Variants in FYN observed in about 807,000 individuals in gnomAD.
The protein encoded by FYN is FYN proto-oncogene, Src family tyrosine kinase.
Under a neutral mutation model 70.2 loss-of-function variants are expected in FYN, and 10 were observed. The ratio of observed to expected loss-of-function variants is 0.14; its 90% CI spans 0.09 to 0.24. The LOEUF (loss-of-function observed/expected upper bound fraction) is 0.24. FYN is among the 10% of genes least tolerant of loss of function. The probability of loss-of-function intolerance (pLI) is 1.00; values close to 1 mark genes in which losing one functional copy is unlikely to be tolerated. For missense variants in FYN, 319 were observed against 673.1 expected, an observed-to-expected ratio of 0.47 and a Z score of 5.82; for synonymous variants, 236 against 248.6, an observed-to-expected ratio of 0.95 and a Z score of 0.48.
chr6:111,803,567 T>C (rs138415036), intron 2 of FYN, among the ~76,000 whole-genome samples: 444 of 152,278 alleles, frequency 2.9e-3, no homozygotes, highest in African/African-American at 0.01. Context: ...CAAGTATAAA[T>C]ACTGTTAGTA....
intron 3 of FYN, among the ~76,000 whole-genome samples, chr6:111,745,177 G>A (rs1802151386): frequency 6.6e-6 from 1 of 152,154 alleles, no homozygotes; most frequent in Admixed American, 6.5e-5. Flanking sequence ...CATCATTCAT[G>A]GGCAAATACT....
rs548488694 is a variant in FYN at position 111,664,501 on chromosome 6, T to C, written c.1406-2554A>G. Among the ~76,000 whole-genome samples, 10 of 152,358 alleles carry C rather than the reference T, an allele frequency of 6.6e-5. No individual in the cohort carries two copies. The South Asian group carries it at 2.1e-3, about 32-fold the overall frequency. On this transcript the variant is annotated intron_variant, in intron 13 of 13. Coordinates refer to ENST00000354650, the MANE Select transcript of FYN (RefSeq NM_002037.5). ...AAAAAAAAAGTTTTCATCCAATGTC[T>C]GCCAATGGAAAGTTTAATTGGCCAC...
intron 6 of FYN, among the ~76,000 whole-genome samples, chr6:111,705,055 C>T (rs1316707047): frequency 6.6e-6 from 1 of 152,084 alleles, no homozygotes; most frequent in Non-Finnish European, 1.5e-5. Context: ...GAGCGAGACT[C>T]TGTCTCATAA....
intron 12 of FYN, among the ~76,000 whole-genome samples, chr6:111,680,040 AC>A (rs751923302): frequency 1.3e-5 from 2 of 152,216 alleles, no homozygotes; most frequent in South Asian, 4.1e-4. Context: ...CTAGACATCA[AC>A]CATTTTGACC....
In FYN at chr6:111,698,197, G is replaced by A. The variant is rs145025019; in HGVS notation, c.863-1741C>T. ...CTGGAGTGCAATGGTGCAATGGTGC[G>A]ATCTCCGCTCACCGCAACCTCCACC... On this transcript the variant is annotated intron_variant, in intron 9 of 13. Transcript: ENST00000354650. Among the ~76,000 whole-genome samples the A allele has an allele frequency of 8.3e-4, 126 of 150,936 alleles. 1 individual carries two copies. The highest frequency in any genetic ancestry group is 7.4e-4 in the Non-Finnish European group (50 of 67,900).
intron 2 of FYN, among the ~76,000 whole-genome samples, chr6:111,815,080 T>G (rs995160591): frequency 6.6e-6 from 1 of 152,192 alleles, no homozygotes; most frequent in Non-Finnish European, 1.5e-5. Flanking sequence ...AATTTAATTT[T>G]GACAGTATTC....
At chr6:111,737,403 C>A (rs181712805) in intron 3 of FYN, among the ~76,000 whole-genome samples, 150 of 152,324 alleles carry the variant, frequency 9.8e-4, no homozygotes, top group African/African-American at 3.4e-3. Context: ...ATCTCCACAA[C>A]CCCCTCCTTG....
chr6:111,754,265 T>C (rs1802614053), intron 3 of FYN, among the ~76,000 whole-genome samples: 1 of 152,132 alleles, frequency 6.6e-6, no homozygotes, highest in Non-Finnish European at 1.5e-5. Flanking sequence ...TTCTTGATGG[T>C]TGGGAAGAAT....
At chr6:111,754,895 G>T (rs1802652918) in intron 3 of FYN, among the ~76,000 whole-genome samples, 1 of 151,578 alleles carries the variant, frequency 6.6e-6, no homozygotes, top group African/African-American at 2.4e-5. Context: ...ATGTTAAAAG[G>T]ACTCGAAATT....
intron 9 of FYN, among the ~76,000 whole-genome samples, chr6:111,698,628 A>C (rs1301421831): frequency 6.6e-6 from 1 of 152,228 alleles, no homozygotes; most frequent in Non-Finnish European, 1.5e-5. Context: ...CAAAGCTGTA[A>C]CTGACCCAAA....
chr6:111,699,723 T>C (rs1341594082), intron 9 of FYN: 19 of 1,528,796 alleles, frequency 1.2e-5, no homozygotes, highest in East Asian at 2.3e-5. Context: ...TCCATAATTA[T>C]GCATGCACTA....
intron 3 of FYN, among the ~76,000 whole-genome samples, chr6:111,732,470 A>T (rs1340308642): frequency 6.6e-6 from 1 of 152,190 alleles, no homozygotes; most frequent in Non-Finnish European, 1.5e-5. Flanking sequence ...CGTCACTGAA[A>T]GTAAGCGAGC....
intron 3 of FYN, among the ~76,000 whole-genome samples, chr6:111,738,429 C>T (rs1801800066): frequency 6.6e-6 from 1 of 152,182 alleles, no homozygotes; most frequent in Non-Finnish European, 1.5e-5. Context: ...AGTCAGGTGC[C>T]CCCAAGGCTC....
intron 1 of FYN, among the ~76,000 whole-genome samples, chr6:111,858,916 T>C (rs1773891095): frequency 6.6e-6 from 1 of 152,068 alleles, no homozygotes. Flanking sequence ...CATTATATAT[T>C]TATATTTGAA....
chr6:111,742,134 G>A (rs1039860374), intron 3 of FYN, among the ~76,000 whole-genome samples: 1 of 152,130 alleles, frequency 6.6e-6, no homozygotes, highest in African/African-American at 2.4e-5. Context: ...GGCATTGTGC[G>A]GGATGGTCTA....
intron 1 of FYN, among the ~76,000 whole-genome samples, chr6:111,870,383 T>C (rs1774236862): frequency 6.6e-6 from 1 of 152,324 alleles, no homozygotes; most frequent in South Asian, 2.1e-4. Context: ...TTTTGACTAT[T>C]AAATGAGCAA....
chr6:111,866,964 C>A (rs1257946744), intron 1 of FYN, among the ~76,000 whole-genome samples: 1 of 152,178 alleles, frequency 6.6e-6, no homozygotes, highest in Non-Finnish European at 1.5e-5. Flanking sequence ...AGTGCTAAAT[C>A]CAACTGCATT....
At chr6:111,812,834 T>C (rs1384911348) in intron 2 of FYN, among the ~76,000 whole-genome samples, 3 of 152,038 alleles carry the variant, frequency 2.0e-5, no homozygotes, top group African/African-American at 4.8e-5. Context: ...GTTTTGAGAA[T>C]TGACTAATAT....
At chr6:111,725,810 G>A (rs372183788) in intron 3 of FYN, among the ~76,000 whole-genome samples, 139 of 152,276 alleles carry the variant, frequency 9.1e-4, no homozygotes, top group African/African-American at 3.2e-3. Flanking sequence ...TCCTACTCCC[G>A]GTGTATGTGC....
Sources: gnomAD v4.1 joint callset for allele counts (sites outside exome capture counted in the v4.1 genomes callset) on GRCh38, gnomAD v4.1.1 for gene constraint, MANE v1.5 for transcripts, NCBI Gene and HGNC (gene_info 2026-07-23, HGNC 2026-07-21) for gene names.